DUSP16: variants seen among roughly 807,000 people sequenced by gnomAD.
DUSP16 encodes dual specificity phosphatase 16.
In DUSP16, 21 loss-of-function variants were observed where a neutral mutation model predicts 58.3. The observed-to-expected ratio is 0.36, with a 90% CI of 0.26 to 0.52. The LOEUF (loss-of-function observed/expected upper bound fraction) is 0.52. Among genes scored for constraint, DUSP16 ranks in the 20% least tolerant of loss-of-function variants. The probability of loss-of-function intolerance (pLI) is 0.94; values close to 1 mark genes in which losing one functional copy is unlikely to be tolerated. For missense variants in DUSP16, 726 were observed against 819.0 expected (o/e 0.89, Z 1.39); for synonymous variants, 320 against 323.8 (o/e 0.99, Z 0.12).
intron 1 of DUSP16, chr12:12,554,499 T>C (rs937829869): frequency 6.6e-6 from 1 of 152,170 alleles, no homozygotes; most frequent in African/African-American, 2.4e-5. Flanking sequence ...TTTCCAAATA[T>C]ACACAAATGT....
At position 12,474,702 on chromosome 12, in the gene DUSP16, CAGA is replaced by C. The variant is rs1841248287; in HGVS notation, c.*2128_*2130del. ...CATGGCCAAGAGAAGCCCTAAATGA[CAGA>C]AGCTCATTAAAACCAAGTCCCCCAA... On this transcript the variant is annotated 3_prime_UTR_variant, in exon 7 of 7. Transcript: ENST00000298573. The C allele has an allele frequency of 6.6e-6, 1 of 152,222 alleles. No homozygotes were observed. The highest frequency in any genetic ancestry group is 2.1e-4 in the South Asian group (1 of 4,828). The allele number at this position is 152,222 out of a possible 1,614,324, so 9.4% of individuals were successfully genotyped here. A position where few individuals can be genotyped will look rare whatever the true frequency, so the allele number is the denominator to read the frequency against.
chr12:12,524,684 G>T (rs1944278660), intron 1 of DUSP16, among the ~76,000 whole-genome samples: 1 of 152,100 alleles, frequency 6.6e-6, no homozygotes, highest in South Asian at 2.1e-4. Context: ...GAACCACAAA[G>T]GCTCAAGTCC....
intron 1 of DUSP16, among the ~76,000 whole-genome samples, chr12:12,522,899 A>G (rs1199262282): frequency 6.6e-6 from 1 of 152,086 alleles, no homozygotes; most frequent in Non-Finnish European, 1.5e-5. Flanking sequence ...AGTTTATTAT[A>G]TTTCTTACTT....
chr12:12,545,656 T>C (rs1328706976), intron 1 of DUSP16, among the ~76,000 whole-genome samples: 1 of 152,198 alleles, frequency 6.6e-6, no homozygotes, highest in African/African-American at 2.4e-5. Flanking sequence ...TACAGTTCTA[T>C]GAGTTTTGAC....
Position 12,505,185 on chromosome 12 carries a change from G to C in DUSP16, c.368-4503C>G, listed in dbSNP as rs150453516. ...TCAGAATCACGTAATATAATAACCG[G>C]AAGAGCCAGGTTATAAGTCTACTTT... On this transcript the variant is annotated intron_variant, in intron 3 of 6. Transcript: ENST00000298573. 2.5e-3 allele frequency among the ~76,000 whole-genome samples: 378 copies of C among 152,270 alleles called. 3 individuals carry two copies. Among genetic ancestry groups the C allele is most frequent in the Non-Finnish European group, 3.8e-3 (259 of 68,032 alleles).
intron 3 of DUSP16, among the ~76,000 whole-genome samples, chr12:12,501,314 G>C (rs1268084256): frequency 2.0e-5 from 3 of 152,188 alleles, no homozygotes; most frequent in African/African-American, 7.2e-5. Flanking sequence ...GCACTATAAA[G>C]AAGTGCTGAC....
At chr12:12,536,617 T>C (rs187168832) in intron 1 of DUSP16, among the ~76,000 whole-genome samples, 6 of 152,116 alleles carry the variant, frequency 3.9e-5, no homozygotes, top group Non-Finnish European at 7.4e-5. Context: ...TGGTGGCACA[T>C]GCCTGTAATC....
At chr12:12,546,268 C>T (rs1001356822) in intron 1 of DUSP16, among the ~76,000 whole-genome samples, 32 of 152,090 alleles carry the variant, frequency 2.1e-4, no homozygotes, top group Non-Finnish European at 4.4e-4. Context: ...ACCTGTGTTT[C>T]GTGGTTGTGT....
chr12:12,540,127 C>CT (rs1944529233), intron 1 of DUSP16, among the ~76,000 whole-genome samples: 1 of 136,858 alleles, frequency 7.3e-6, no homozygotes, highest in Non-Finnish European at 1.6e-5. Flanking sequence ...CCCGACTCTA[C>CT]TTTAAAAAAA....
At chr12:12,498,248 G>A (rs921152775) in intron 4 of DUSP16, among the ~76,000 whole-genome samples, 1 of 151,972 alleles carries the variant, frequency 6.6e-6, no homozygotes, top group African/African-American at 2.4e-5. Flanking sequence ...GATAATGTTG[G>A]GGAATTCATG....
chr12:12,475,182 A>G lies in DUSP16; in HGVS notation c.*1651T>C, dbSNP rs898562125. 1 of 152,228 alleles carries G rather than the reference A, an allele frequency of 6.6e-6. No individual in the cohort carries two copies. The highest frequency in any genetic ancestry group is 2.4e-5 in the African/African-American group (1 of 41,434). The allele number at this position is 152,228 out of a possible 1,614,324, so 9.4% of individuals were successfully genotyped here. ...GAAAAACCTGAGATACGAGGCAGCA[A>G]CTAGCGACACTTACAGGAAGGGAAA... is the stretch of plus-strand genomic sequence containing the variant. On this transcript the variant is annotated 3_prime_UTR_variant, in exon 7 of 7. Transcript: ENST00000298573.
intron 5 of DUSP16, among the ~76,000 whole-genome samples, chr12:12,482,940 T>C (rs1943601052): frequency 6.6e-6 from 1 of 152,180 alleles, no homozygotes; most frequent in African/African-American, 2.4e-5. Flanking sequence ...GTCAAACTCC[T>C]GGCCTCAAGC....
At chr12:12,519,736 G>C in intron 3 of DUSP16, 126 bp downstream of exon 3, 2 of 913,066 alleles carry the variant, frequency 2.2e-6, no homozygotes, top group South Asian at 1.8e-5. Flanking sequence ...TCAATCAAAA[G>C]CTATAAATAA....
chr12:12,551,394 C>T (rs1944724075), intron 1 of DUSP16, among the ~76,000 whole-genome samples: 1 of 147,440 alleles, frequency 6.8e-6, no homozygotes, highest in African/African-American at 2.5e-5. Context: ...CTGAGCTAGG[C>T]AGAGGTTGCA....
chr12:12,480,212 C>G lies in DUSP16; in HGVS notation c.815+11G>C. 1 of 1,612,504 alleles carries G rather than the reference C, an allele frequency of 6.2e-7. No individual in the cohort carries two copies. Among genetic ancestry groups the G allele is most frequent in the South Asian group, 1.1e-5 (1 of 90,612 alleles). ...AAAAGCCAATCACAGAAGACATTTT[C>G]CTGCCCTCACCTGTAAGCTTCATCT... On this transcript the variant is annotated intron_variant, in intron 6 of 6. Coordinates refer to ENST00000298573, the MANE Select transcript of DUSP16 (RefSeq NM_030640.3).
intron 3 of DUSP16, among the ~76,000 whole-genome samples, chr12:12,514,121 A>C (rs550482974): frequency 6.6e-6 from 1 of 152,286 alleles, no homozygotes; most frequent in Non-Finnish European, 1.5e-5. Context: ...CCATTGTCTA[A>C]TACAATCCTC....
chr12:12,533,587 G>C (rs1156235259), intron 1 of DUSP16, among the ~76,000 whole-genome samples: 1 of 152,176 alleles, frequency 6.6e-6, no homozygotes, highest in Non-Finnish European at 1.5e-5. Context: ...TAAAATCACA[G>C]AACACTCCAC....
In DUSP16 at chr12:12,497,128, A is replaced by C. The variant is rs147407566; in HGVS notation, c.531+3391T>G. 4.1e-3 allele frequency among the ~76,000 whole-genome samples: 632 copies of C among 152,362 alleles called. 4 individuals carry two copies. The highest frequency in any genetic ancestry group is 0.014 in the African/African-American group (587 of 41,586). The stretch of plus-strand genomic sequence containing the variant: ...CTGTAAAATATCTCAGTAATTTTGT[A>C]TACTGATTGCATGTTGAAATACTAT... On this transcript the variant is annotated intron_variant, in intron 4 of 6. Coordinates refer to ENST00000298573, the MANE Select transcript of DUSP16 (RefSeq NM_030640.3).
intron 1 of DUSP16, among the ~76,000 whole-genome samples, chr12:12,548,650 AAAAG>A (rs1266854683): frequency 2.0e-5 from 3 of 149,124 alleles, no homozygotes; most frequent in Non-Finnish European, 4.5e-5. Context: ...AAAAAAAAGA[AAAAG>A]AAAAAGAAAA....
Sources: gnomAD v4.1 joint callset for allele counts (sites outside exome capture counted in the v4.1 genomes callset) on GRCh38, gnomAD v4.1.1 for gene constraint, MANE v1.5 for transcripts, NCBI Gene and HGNC (gene_info 2026-07-23, HGNC 2026-07-21) for gene names.